The following ANXA2 variants were observed in gnomAD, a reference collection of about 807,000 sequenced individuals.
ANXA2 encodes annexin II.
ANXA2 carries 28 observed loss-of-function variants against 47.3 expected under a neutral mutation model. The observed-to-expected ratio is 0.59, with a 90% CI of 0.44 to 0.81. ANXA2 has a LOEUF of 0.81. Ranked by LOEUF, ANXA2 falls within the 40% of genes least tolerant of loss-of-function variation. The pLI is 0.00. For synonymous variants in ANXA2, 172 were observed against 155.5 expected (o/e 1.11, Z -0.79); for missense variants, 384 against 414.3 (o/e 0.93, Z 0.64).
chr15:60,352,300 A>G lies in ANXA2; in HGVS notation c.682+83T>C. The G allele has an allele frequency of 1.1e-6, 1 of 887,574 alleles. No individual in the cohort carries two copies. Among genetic ancestry groups the G allele is most frequent in the Non-Finnish European group, 1.8e-6 (1 of 556,760 alleles). The allele number at this position is 887,574 out of a possible 1,614,324, so 55.0% of individuals were successfully genotyped here. On this transcript the variant is annotated intron_variant, in intron 9 of 12. Transcript: ENST00000451270. This position sits in a 1 kb window ranked among gnomAD's most constrained non-coding sequence, Gnocchi z 4.2. ...AGCGGAGACAGAACCTCATTCTGGC[A>G]GACTCCATCCCAACATGGACATCCA...
chr15:60,376,578 T>C (rs1358957833), intron 3 of ANXA2, among the ~76,000 whole-genome samples: 2 of 152,158 alleles, frequency 1.3e-5, no homozygotes, highest in Non-Finnish European at 2.9e-5. Context: ...ATATATTCTC[T>C]CGAGGGTGCC....
At chr15:60,355,842 T>G (rs568818446) in intron 7 of ANXA2, 77 bp downstream of exon 7, 5 of 1,219,672 alleles carry the variant, frequency 4.1e-6, no homozygotes, top group Non-Finnish European at 6.1e-6. Flanking sequence ...TTTAGTTAAT[T>G]CACTCCAAGT....
chr15:60,351,060 C>A (rs1490389975), intron 11 of ANXA2, 133 bp downstream of exon 11: 1 of 806,016 alleles, frequency 1.2e-6, no homozygotes, highest in Non-Finnish European at 2.1e-6. Flanking sequence ...ACAACCACAG[C>A]TGACTAGTGT....
At chr15:60,396,925 T>C (rs1327355650) in intron 1 of ANXA2, among the ~76,000 whole-genome samples, 1 of 152,256 alleles carries the variant, frequency 6.6e-6, no homozygotes, top group Non-Finnish European at 1.5e-5. Flanking sequence ...ACTTTGCATT[T>C]GCACAGCACT....
At chr15:60,357,302 T>A in intron 5 of ANXA2, 66 bp from the exon 6 acceptor site, 4 of 1,350,008 alleles carry the variant, frequency 3.0e-6, no homozygotes, top group Non-Finnish European at 4.2e-6. Context: ...ACTTCTCTGA[T>A]CTCCATCAAG....
intron 1 of ANXA2, chr15:60,397,348 G>A (rs1164636147): frequency 1.0e-6 from 1 of 984,890 alleles, no homozygotes; most frequent in Non-Finnish European, 1.2e-6. Flanking sequence ...CCTAGAGCAA[G>A]GGGAATAACT....
chr15:60,397,233 C>A, intron 1 of ANXA2: 1 of 973,232 alleles, frequency 1.0e-6, no homozygotes, highest in Non-Finnish European at 1.2e-6. Flanking sequence ...GACAACCCTC[C>A]CCACAGAATC....
chr15:60,347,652 T>C lies in ANXA2; in HGVS notation c.998A>G (p.Tyr333Cys), dbSNP rs1271292849. ...GCTTCAGTCATCTCCACCACACAGGTACAGCAGCGCTTTCTGGTAGTCGCC... is the reference window on the plus strand; with the variant it reads ...GCTTCAGTCATCTCCACCACACAGGCACAGCAGCGCTTTCTGGTAGTCGCC... ...TKGDYQKALLYLCGGDD is the reference protein window; with the variant it reads ...TKGDYQKALLCLCGGDD Residue 333 changes from tyrosine to cysteine, a missense_variant, in exon 13 of 13, where the codon TAC becomes TGC. Coordinates refer to ENST00000451270, the MANE Select transcript of ANXA2 (RefSeq NM_004039.3). The C allele has an allele frequency of 1.2e-6, 2 of 1,614,148 alleles. No individual in the cohort carries two copies. The highest frequency in any genetic ancestry group is 1.7e-6 in the Non-Finnish European group (2 of 1,180,030).
chr15:60,397,791 C>T, intron 1 of ANXA2, 152 bp downstream of exon 1: 2 of 1,249,884 alleles, frequency 1.6e-6, no homozygotes, highest in Admixed American at 4.0e-5. Context: ...CAAAGACTCT[C>T]CAGTGCCGGC....
At chr15:60,397,891 C>T in intron 1 of ANXA2, 52 bp downstream of exon 1, 1 of 1,358,736 alleles carries the variant, frequency 7.4e-7, no homozygotes, top group Non-Finnish European at 9.5e-7. Context: ...AGCGTCTCCA[C>T]ACCCCGCTAG....
rs376283905 is a variant in ANXA2 at position 60,349,801 on chromosome 15, A to C, written c.838-604T>G. ...AGGAAGGAGAGAGAAAGAGAGAAGA[A>C]AGGGAAAGGGAAAGGAAGGAAAGGG... On this transcript the variant is annotated intron_variant, in intron 11 of 12. Coordinates refer to ENST00000451270, the MANE Select transcript of ANXA2 (RefSeq NM_004039.3). 2.8e-5 allele frequency among the ~76,000 whole-genome samples: 4 copies of C among 142,698 alleles called. No individual in the cohort carries two copies. In the South Asian group the frequency reaches 1.0e-3, roughly 36 times the overall value. 93.6% of individuals were successfully genotyped at this position (142,698 alleles called of 152,430 possible). A position where few individuals can be genotyped will look rare whatever the true frequency, so the allele number is the denominator to read the frequency against.
At chr15:60,370,873 A>C (rs2062701347) in intron 3 of ANXA2, among the ~76,000 whole-genome samples, 1 of 152,186 alleles carries the variant, frequency 6.6e-6, no homozygotes, top group Non-Finnish European at 1.5e-5. Flanking sequence ...AGAAAACCTG[A>C]ATATCACTTT....
At chr15:60,393,439 G>A (rs761261954) in intron 1 of ANXA2, 18 of 1,003,492 alleles carry the variant, frequency 1.8e-5, no homozygotes, top group South Asian at 1.7e-4. Context: ...GGGCCTGGCC[G>A]CCTACAGAAA....
chr15:60,379,420 C>T (rs1464090329), intron 3 of ANXA2, among the ~76,000 whole-genome samples: 1 of 152,072 alleles, frequency 6.6e-6, no homozygotes, highest in Non-Finnish European at 1.5e-5. Context: ...GTCAGTAAGA[C>T]CACAGATGAA....
In ANXA2 at chr15:60,354,587, T is replaced by G. The variant is rs530795785; in HGVS notation, c.529-374A>C. Among the ~76,000 whole-genome samples, 8 of 119,544 alleles carry G rather than the reference T, an allele frequency of 6.7e-5. No homozygotes were observed. In the East Asian group the frequency reaches 2.0e-3, roughly 29 times the overall value. 78.4% of individuals were successfully genotyped at this position (119,544 alleles called of 152,430 possible). ...GTGATCTGAGATCACGCCACTGCAC[T>G]CCAACCCTGGTGACAGAGTGAGACT... On this transcript the variant is annotated intron_variant, in intron 7 of 12. Coordinates refer to ENST00000451270, the MANE Select transcript of ANXA2 (RefSeq NM_004039.3).
chr15:60,391,045 T>G (rs2063002485), intron 1 of ANXA2: 1 of 152,398 alleles, frequency 6.6e-6, no homozygotes, highest in Non-Finnish European at 1.5e-5. Context: ...GAGCCTGCAC[T>G]ATATTAAAGG....
intron 5 of ANXA2, among the ~76,000 whole-genome samples, chr15:60,360,443 A>T (rs528112460): frequency 6.6e-6 from 1 of 152,338 alleles, no homozygotes; most frequent in African/African-American, 2.4e-5. Context: ...GGTACGATTC[A>T]GGTACGATTC....
chr15:60,382,573 GGTATTAA>G (rs2062877741), intron 2 of ANXA2, 132 bp from the exon 3 acceptor site: 2 of 614,110 alleles, frequency 3.3e-6, no homozygotes, highest in Admixed American at 5.6e-5. Context: ...TAACTAGGTA[GGTATTAA>G]CACACCATCA....
chr15:60,379,219 A>C (rs1167300118), intron 3 of ANXA2, among the ~76,000 whole-genome samples: 1 of 152,136 alleles, frequency 6.6e-6, no homozygotes, highest in African/African-American at 2.4e-5. Context: ...CAGAGGTTGC[A>C]GTGAGCCAAG....
Sources: allele counts gnomAD v4.1 joint callset (sites outside exome capture counted in the v4.1 genomes callset), GRCh38; gene constraint gnomAD v4.1.1; non-coding constraint Gnocchi (gnomAD v3.1); transcripts MANE v1.5; gene names NCBI Gene and HGNC (gene_info 2026-07-23, HGNC 2026-07-21).